PRAM1: variants seen among roughly 807,000 people sequenced by gnomAD.
PRAM1 encodes the protein PML-RARA regulated adaptor molecule 1.
Under a neutral mutation model 55.3 loss-of-function variants are expected in PRAM1, and 41 were observed. That is an observed-to-expected ratio of 0.74 (90% CI 0.58 to 0.96). PRAM1 has a LOEUF of 0.96. Among genes scored for constraint, PRAM1 ranks in the 40% least tolerant of loss-of-function variants. The probability of loss-of-function intolerance (pLI) is 0.00; values close to 1 mark genes in which losing one functional copy is unlikely to be tolerated. For missense variants in PRAM1, 898 were observed against 892.7 expected (o/e 1.01, Z -0.08); for synonymous variants, 401 against 387.1 (o/e 1.04, Z -0.42).
rs1238144188 is a variant in PRAM1, at chr19:8,493,426, C to T, written c.1577-2269G>A. On this transcript the variant is annotated intron_variant, in intron 4 of 9. Transcript: ENST00000423345. The surrounding 1 kb of genome is among the most constrained non-coding windows in gnomAD (Gnocchi z 4.1). ...TCCCTGGCCGTGAGCAGTCACTCCA[C>T]CAGGAGCGAACCTGACCTTGGCACT... Among the ~76,000 whole-genome samples the T allele has an allele frequency of 2.6e-5, 4 of 152,352 alleles. No individual in the cohort carries two copies. In the East Asian group the frequency reaches 7.7e-4, roughly 29 times the overall value.
At position 8,502,623 on chromosome 19, in the gene PRAM1, C is replaced by T. The variant is rs372811425; in HGVS notation, c.-32G>A. 301 of 1,546,010 alleles carry T rather than the reference C, an allele frequency of 1.9e-4. No individual in the cohort carries two copies. Among genetic ancestry groups the T allele is most frequent in the Admixed American group, 2.6e-4 (13 of 50,758 alleles). On this transcript the variant is annotated 5_prime_UTR_variant, in exon 1 of 10. Coordinates refer to ENST00000423345, the MANE Select transcript of PRAM1 (RefSeq NM_032152.5). ...AGTGGGACCCGAGCTGGGGCCGCTG[C>T]CTTCAGGAAGTGACTGTGGCTTCTG...
chr19:8,499,223 G>A lies in PRAM1; in HGVS notation c.585C>T (p.Pro195=). The change falls in exon 2 of 10, where the codon CCC becomes CCT. Residue 195 remains proline, a synonymous_variant. Transcript: ENST00000423345. Reference sequence around the variant, plus strand: ...ACCTCGGGGTAGCCTCACCGGCCTCGGGTTGCCAGAGCTTCCTGGGGAATG... The same window carrying A: ...ACCTCGGGGTAGCCTCACCGGCCTCAGGTTGCCAGAGCTTCCTGGGGAATG... The part of the protein sequence containing the change: ...SGAFPRKLWQ[P]EAGEATPRSP... The A allele has an allele frequency of 1.2e-6, 2 of 1,612,482 alleles. No individual in the cohort carries two copies. The highest frequency in any genetic ancestry group is 1.3e-5 in the African/African-American group (1 of 74,766).
rs1018255584 is a variant in PRAM1, at chr19:8,493,225, C to T, written c.1577-2068G>A. 6.6e-6 allele frequency among the ~76,000 whole-genome samples: 1 copy of T among 152,144 alleles called. No homozygotes were observed. Among genetic ancestry groups the T allele is most frequent in the Non-Finnish European group, 1.5e-5 (1 of 68,018 alleles). The stretch of plus-strand genomic sequence containing the variant: ...AGTGAAAGATCCAGAACCCAGAGCC[C>T]CAGCATGTCCTTTCCGAATGGCTCA... On this transcript the variant is annotated intron_variant, in intron 4 of 9. Transcript: ENST00000423345. This position sits in a 1 kb window ranked among gnomAD's most constrained non-coding sequence, Gnocchi z 4.1.
In PRAM1 at chr19:8,498,522, G is replaced by T. The variant is rs1971736321; in HGVS notation, c.1286C>A (p.Ala429Asp). 1 of 1,606,044 alleles carries T rather than the reference G, an allele frequency of 6.2e-7. No individual in the cohort carries two copies. Among genetic ancestry groups the T allele is most frequent in the Non-Finnish European group, 8.5e-7 (1 of 1,176,424 alleles). The change falls in exon 2 of 10, where the codon GCC becomes GAC. Residue 429 changes from alanine (A) to aspartate (D), a missense_variant. Ala to Asp is a moderately radical substitution (Grantham distance 126, BLOSUM62 -2). This residue lies in a region of PRAM1 where 787 missense variants were observed against 735.4 expected (regional missense o/e 1.07). Transcript: ENST00000423345. The stretch of plus-strand genomic sequence containing the variant: ...ATGGCTGGGTCTGAGGCCTGGCCTG[G>T]CCCCTCCACTGTGAACCAGGCCTCC... ...RSGGLVHSGG[A>D]RPGLRPSHPP...
At position 8,490,989 on chromosome 19, in the gene PRAM1, C is replaced by G. The variant is rs760961110; in HGVS notation, c.1641G>C (p.Glu547Asp). 1.3e-6 allele frequency: 2 copies of G among 1,596,900 alleles called. No homozygotes were observed. The highest frequency in any genetic ancestry group is 3.4e-5 in the Admixed American group (2 of 59,344). Residue 547 changes from glutamate to aspartate, a missense_variant, in exon 6 of 10, where the codon GAG (glutamate) becomes GAC (aspartate). Around this residue, in one of 4 missense-constraint regions of PRAM1, gnomAD observed 787 missense variants for 735.4 expected, o/e 1.07. Transcript: ENST00000423345. The surrounding 1 kb of genome is among the most constrained non-coding windows in gnomAD (Gnocchi z 7.3). The stretch of plus-strand genomic sequence containing the variant: ...GCAACTGCTGTGGCTGGGGATCCTT[C>G]TCCTTCCTGATAGCCCCCACCAAGG... Reference protein sequence around the residue: ...RPPQDPALRKEKDPQPQQLPP... With the variant: ...RPPQDPALRKDKDPQPQQLPP...
At chr19:8,494,745 C>T (rs1368434123) in intron 4 of PRAM1, among the ~76,000 whole-genome samples, 6 of 151,314 alleles carry the variant, frequency 4.0e-5, no homozygotes. Flanking sequence ...GATTCTCCTG[C>T]CTCAGCCTCC....
intron 4 of PRAM1, among the ~76,000 whole-genome samples, chr19:8,494,636 CTT>C (rs34294924): frequency 1.4e-5 from 2 of 141,826 alleles, no homozygotes; most frequent in Non-Finnish European, 3.0e-5. Context: ...ATTTTTTTTT[CTT>C]TTTTTTTTTT....
chr19:8,491,283 G>C (rs1425690517), intron 4 of PRAM1, 126 bp from the exon 5 acceptor site: 8 of 981,050 alleles, frequency 8.2e-6, no homozygotes, highest in Non-Finnish European at 1.1e-5. Flanking sequence ...ACCCAGGCTG[G>C]AGTGCAATGG....
At chr19:8,495,532 G>A (rs1971688200) in intron 4 of PRAM1, among the ~76,000 whole-genome samples, 3 of 152,128 alleles carry the variant, frequency 2.0e-5, no homozygotes, top group African/African-American at 7.2e-5. Flanking sequence ...GAGCTGCCAC[G>A]CCGGGCCAGC....
intron 4 of PRAM1, 130 bp downstream of exon 4, chr19:8,497,634 C>G (rs1971716871): frequency 1.5e-6 from 1 of 688,266 alleles, no homozygotes; most frequent in Non-Finnish European, 2.4e-6. Context: ...CCTCTGGGCT[C>G]CCCTTATGTA....
At position 8,499,409 on chromosome 19, in the gene PRAM1, C is replaced by T. The variant is rs1235794975; in HGVS notation, c.399G>A (p.Gln133=). 1 of 1,612,696 alleles carries T rather than the reference C, an allele frequency of 6.2e-7. No homozygotes were observed. The highest frequency in any genetic ancestry group is 1.7e-5 in the Admixed American group (1 of 59,998). The change falls in exon 2 of 10, where the codon CAG becomes CAA. Residue 133 remains glutamine, a synonymous_variant. Coordinates refer to ENST00000423345, the MANE Select transcript of PRAM1 (RefSeq NM_032152.5). ...TCCTTGGAAACGGAGTGGCCCCCAG[C>T]TGTGGGAACTTCTTGGAGAGGTCAC... is the stretch of plus-strand genomic sequence containing the variant. ...ELSDLSKKFP[Q]LGATPFPRKP... is the part of the protein sequence containing the mutation.
chr19:8,499,429 G>T lies in PRAM1; in HGVS notation c.379C>A (p.Leu127Ile), dbSNP rs1435796091. ...CCCAGCTGTGGGAACTTCTTGGAGAGGTCACTCAACTCCAGTTTGGACGGC... is the reference window on the plus strand; with the variant it reads ...CCCAGCTGTGGGAACTTCTTGGAGATGTCACTCAACTCCAGTTTGGACGGC... ...KKPSKLELSD[L>I]SKKFPQLGAT... Residue 127 changes from leucine to isoleucine, a missense_variant, in exon 2 of 10, where the codon CTC (leucine) becomes ATC (isoleucine). Physicochemically the swap from Leu to Ile is conservative, Grantham distance 5. Coordinates refer to ENST00000423345, the MANE Select transcript of PRAM1 (RefSeq NM_032152.5). The T allele has an allele frequency of 6.2e-7, 1 of 1,612,426 alleles. No individual in the cohort carries two copies. The highest frequency in any genetic ancestry group is 1.1e-5 in the South Asian group (1 of 91,006).
rs528107208 is a variant in PRAM1 at position 8,499,270 on chromosome 19, G to A, written c.538C>T (p.Pro180Ser). 1.2e-6 allele frequency: 2 copies of A among 1,609,398 alleles called. No individual in the cohort carries two copies. The highest frequency in any genetic ancestry group is 1.7e-5 in the Admixed American group (1 of 59,326). The change falls in exon 2 of 10, where the codon CCC (proline) becomes TCC (serine). Residue 180 changes from proline to serine, a missense_variant. Pro to Ser is a moderately conservative substitution (Grantham distance 74). Transcript: ENST00000423345. ...PDELSHPARPPSEPKSGAFPR... is the reference protein window; with the variant it reads ...PDELSHPARPSSEPKSGAFPR... ...AATGCGCCGGATTTGGGTTCGGAGG[G>A]GGGTCTGGCGGGGTGACTGAGTTCG... is the stretch of plus-strand genomic sequence containing the variant.
Position 8,498,495 on chromosome 19 carries a change from G to T in PRAM1, c.1313C>A (p.Pro438Gln). The change falls in exon 2 of 10, where the codon CCA becomes CAA. Residue 438 changes from proline to glutamine, a missense_variant. Pro to Gln is a moderately conservative substitution (Grantham distance 76). Transcript: ENST00000423345. ...AGGGGGCAGAGGCCTCCGCCGGGGT[G>T]GATGGCTGGGTCTGAGGCCTGGCCT... Reference protein sequence around the residue: ...GARPGLRPSHPPRRRPLPPAS... With the variant: ...GARPGLRPSHQPRRRPLPPAS... 1 of 1,595,556 alleles carries T rather than the reference G, an allele frequency of 6.3e-7. No homozygotes were observed. The highest frequency in any genetic ancestry group is 8.5e-7 in the Non-Finnish European group (1 of 1,170,526).
intron 1 of PRAM1, among the ~76,000 whole-genome samples, chr19:8,501,098 C>CTTTT (rs35262115): frequency 5.2e-4 from 61 of 118,108 alleles, no homozygotes; most frequent in Admixed American, 7.6e-4. Context: ...TTCTTTCTTT[C>CTTTT]TTTTTTTTTT....
chr19:8,490,770 T>TG lies in PRAM1; in HGVS notation c.1744-15dup. ...CTCCCCTTCAAACTGGGGCGCGAGA[T>TG]GTTAGGGCCTCTGCTTGTGCTGCCG... On this transcript the variant is annotated splice_polypyrimidine_tract_variant and intron_variant, in intron 6 of 9. Transcript: ENST00000423345. This position sits in a 1 kb window ranked among gnomAD's most constrained non-coding sequence, Gnocchi z 7.3. The TG allele has an allele frequency of 6.2e-7, 1 of 1,607,518 alleles. No individual in the cohort carries two copies. The highest frequency in any genetic ancestry group is 8.5e-7 in the Non-Finnish European group (1 of 1,179,160).
intron 4 of PRAM1, chr19:8,496,114 C>A (rs574049670): frequency 4.4e-6 from 2 of 455,934 alleles, no homozygotes; most frequent in Non-Finnish European, 8.8e-6. Context: ...ACCTTGAACA[C>A]AACAGGTCTA....
rs1448554988 is a variant in PRAM1, at chr19:8,493,935, C to G, written c.1577-2778G>C. Among the ~76,000 whole-genome samples the G allele has an allele frequency of 6.6e-6, 1 of 152,120 alleles. No homozygotes were observed. Among genetic ancestry groups the G allele is most frequent in the East Asian group, 1.9e-4 (1 of 5,176 alleles). On this transcript the variant is annotated intron_variant, in intron 4 of 9. Coordinates refer to ENST00000423345, the MANE Select transcript of PRAM1 (RefSeq NM_032152.5). The surrounding 1 kb of genome is among the most constrained non-coding windows in gnomAD (Gnocchi z 4.1). ...ACCTCAGCCTCCCCAGAAGCTGGGACTACAGGTGTGCAACACCATGTCCAA... is the reference window on the plus strand; with the variant it reads ...ACCTCAGCCTCCCCAGAAGCTGGGAGTACAGGTGTGCAACACCATGTCCAA...
chr19:8,498,160 C>A, intron 3 of PRAM1, 63 bp downstream of exon 3: 2 of 1,541,966 alleles, frequency 1.3e-6, no homozygotes, highest in Non-Finnish European at 1.8e-6. Context: ...GAGCTCCAGG[C>A]CGAGATGAGG....
Sources: allele counts gnomAD v4.1 joint callset (sites outside exome capture counted in the v4.1 genomes callset), GRCh38; gene constraint gnomAD v4.1.1; regional missense constraint gnomAD v4.1.1; non-coding constraint Gnocchi (gnomAD v3.1); transcripts MANE v1.5; gene names NCBI Gene and HGNC (gene_info 2026-07-23, HGNC 2026-07-21).